TTC28: variants seen among roughly 807,000 people sequenced by gnomAD.
TTC28 encodes tetratricopeptide repeat protein 28.
In TTC28, 61 loss-of-function variants were observed where a neutral mutation model predicts 198.0. The observed-to-expected ratio is 0.31, with a 90% CI of 0.25 to 0.38. The LOEUF (loss-of-function observed/expected upper bound fraction) is 0.38, where lower values mean the gene tolerates loss of function less well. Among genes scored for constraint, TTC28 ranks in the 10% least tolerant of loss-of-function variants. The pLI, the probability that TTC28 is intolerant of heterozygous loss-of-function variation, is 1.00. For missense variants in TTC28, 2,678 were observed against 3,164.0 expected (o/e 0.85, Z 3.69); for synonymous variants, 1,171 against 1,297.8 (o/e 0.90, Z 2.10).
chr22:28,236,981 T>C (rs1262146409), intron 5 of TTC28, among the ~76,000 whole-genome samples: 1 of 152,190 alleles, frequency 6.6e-6, no homozygotes, highest in Non-Finnish European at 1.5e-5. Context: ...CCAAAGTAAT[T>C]ACCTGATTAA....
chr22:28,141,469 T>C (rs1943331286), intron 6 of TTC28, among the ~76,000 whole-genome samples: 1 of 152,168 alleles, frequency 6.6e-6, no homozygotes, highest in Admixed American at 6.5e-5. Context: ...GCATTTTTCA[T>C]TACGTCTCAC....
chr22:28,332,464 C>G (rs900705960), intron 2 of TTC28, among the ~76,000 whole-genome samples: 2 of 151,738 alleles, frequency 1.3e-5, no homozygotes, highest in African/African-American at 4.8e-5. Flanking sequence ...TATTTAATGT[C>G]CTACAGCAAC....
intron 2 of TTC28, among the ~76,000 whole-genome samples, chr22:28,478,236 G>A (rs1006776726): frequency 2.0e-5 from 3 of 152,102 alleles, no homozygotes; most frequent in Non-Finnish European, 2.9e-5. Flanking sequence ...GTCCAGGTGC[G>A]GTGGCTCAAG....
At chr22:28,532,894 G>A (rs1220697873) in intron 2 of TTC28, among the ~76,000 whole-genome samples, 1 of 152,148 alleles carries the variant, frequency 6.6e-6, no homozygotes, top group Non-Finnish European at 1.5e-5. Context: ...ACTAGGTATT[G>A]ATGGGACGTA....
At chr22:28,417,963 A>G (rs2047192293) in intron 2 of TTC28, among the ~76,000 whole-genome samples, 1 of 152,252 alleles carries the variant, frequency 6.6e-6, no homozygotes, top group African/African-American at 2.4e-5. Flanking sequence ...GGCACTCCCA[A>G]TGCATTAAAA....
chr22:28,232,334 G>A (rs750121873), intron 5 of TTC28, among the ~76,000 whole-genome samples: 1 of 152,220 alleles, frequency 6.6e-6, no homozygotes, highest in African/African-American at 2.4e-5. Context: ...GCTGTTAAGA[G>A]TGAATCTAAA....
intron 21 of TTC28, chr22:27,985,792 C>G (rs1351890410): frequency 6.3e-6 from 1 of 159,698 alleles, no homozygotes; most frequent in Non-Finnish European, 1.4e-5. Flanking sequence ...TGAAGTTTCT[C>G]AAGGGCAAAG....
At chr22:28,095,135 T>C (rs1941935421) in intron 11 of TTC28, among the ~76,000 whole-genome samples, 1 of 152,110 alleles carries the variant, frequency 6.6e-6, no homozygotes, top group South Asian at 2.1e-4. Flanking sequence ...CTCTGGGAGC[T>C]GGGATCCACA....
chr22:28,325,562 T>A (rs1192429603), intron 2 of TTC28, among the ~76,000 whole-genome samples: 3 of 152,118 alleles, frequency 2.0e-5, no homozygotes, highest in African/African-American at 7.2e-5. Context: ...AAGCTACTTT[T>A]CTAGAAGAAA....
At chr22:28,024,182 T>C (rs1264031829) in intron 13 of TTC28, among the ~76,000 whole-genome samples, 1 of 152,084 alleles carries the variant, frequency 6.6e-6, no homozygotes, top group Non-Finnish European at 1.5e-5. Context: ...AGGTGACAAA[T>C]GCAAGGTGCA....
intron 1 of TTC28, among the ~76,000 whole-genome samples, chr22:28,640,647 G>C (rs745775676): frequency 3.9e-5 from 6 of 151,920 alleles, no homozygotes; most frequent in Non-Finnish European, 8.8e-5. Context: ...ACCTTGAAAG[G>C]AGCTACAAGC....
chr22:28,473,624 T>C (rs2048126316), intron 2 of TTC28, among the ~76,000 whole-genome samples: 1 of 152,176 alleles, frequency 6.6e-6, no homozygotes, highest in African/African-American at 2.4e-5. Flanking sequence ...TGGGAAACAC[T>C]GCCTATGGGG....
chr22:28,589,684 C>T (rs776023963), intron 2 of TTC28, among the ~76,000 whole-genome samples: 2 of 152,148 alleles, frequency 1.3e-5, no homozygotes, highest in Admixed American at 6.5e-5. Context: ...TGTAAATCTA[C>T]GGTTATGGAG....
chr22:28,488,046 G>T (rs2048332851), intron 2 of TTC28, among the ~76,000 whole-genome samples: 1 of 152,074 alleles, frequency 6.6e-6, no homozygotes, highest in Admixed American at 6.6e-5. Flanking sequence ...TTATGTGCTT[G>T]CTTAGAAATT....
intron 2 of TTC28, among the ~76,000 whole-genome samples, chr22:28,539,782 G>C (rs1173967913): frequency 3.9e-5 from 6 of 152,044 alleles, no homozygotes; most frequent in Non-Finnish European, 5.9e-5. Flanking sequence ...CCTTGCATCA[G>C]GACAAGAGGG....
At position 28,224,774 on chromosome 22, in the gene TTC28, T is replaced by C. The variant is rs192116907; in HGVS notation, c.934-61175A>G. On this transcript the variant is annotated intron_variant, in intron 5 of 22. Coordinates refer to ENST00000397906, the MANE Select transcript of TTC28 (RefSeq NM_001145418.2). ...CCTCCTGAGGCCCCAGCTGAACTTCTTGCCCCAGCATTCATTAGAAACCTC... is the reference window on the plus strand; with the variant it reads ...CCTCCTGAGGCCCCAGCTGAACTTCCTGCCCCAGCATTCATTAGAAACCTC... Among the ~76,000 whole-genome samples, 3 of 152,322 alleles carry C rather than the reference T, an allele frequency of 2.0e-5. No homozygotes were observed. The East Asian group carries it at 5.8e-4, about 29-fold the overall frequency.
chr22:28,305,587 C>A (rs1016078692), intron 3 of TTC28, among the ~76,000 whole-genome samples: 2 of 152,060 alleles, frequency 1.3e-5, no homozygotes, highest in Non-Finnish European at 2.9e-5. Context: ...ATGCTGCCAT[C>A]AAAAATTTTA....
At chr22:28,162,944 AAAAAGAAAAGG>A (rs1429306859) in intron 6 of TTC28, 137 bp downstream of exon 6, 11 of 1,179,832 alleles carry the variant, frequency 9.3e-6, no homozygotes, top group South Asian at 3.3e-5. Flanking sequence ...ACCCTGTCTC[AAAAAGAAAAGG>A]AAAAGAAAAG....
chr22:28,147,147 G>A (rs1014685410), intron 6 of TTC28, among the ~76,000 whole-genome samples: 2 of 152,220 alleles, frequency 1.3e-5, no homozygotes. Flanking sequence ...TTCAACAAAT[G>A]TATTTTCTGC....
Sources: gnomAD v4.1 joint callset for allele counts (sites outside exome capture counted in the v4.1 genomes callset) on GRCh38, gnomAD v4.1.1 for gene constraint, MANE v1.5 for transcripts, NCBI Gene and HGNC (gene_info 2026-07-23, HGNC 2026-07-21) for gene names.